Variants in KIFC1 observed in about 807,000 individuals in gnomAD.
The protein encoded by KIFC1 is kinesin-like protein KIFC1.
In KIFC1, 37 loss-of-function variants were observed where a neutral mutation model predicts 66.6. The observed-to-expected ratio is 0.56, with a 90% confidence interval of 0.43 to 0.73. The LOEUF is 0.73. Ranked by LOEUF, KIFC1 falls within the 30% of genes least tolerant of loss-of-function variation. The pLI is 0.00. For synonymous variants in KIFC1, 325 were observed against 343.5 expected (o/e 0.95, Z 0.60); for missense variants, 721 against 859.8 (o/e 0.84, Z 2.02).
Position 33,404,241 on chromosome 6 carries a change from C to A in KIFC1, c.756+112C>A. ...GGGCTGAGAACTCCTGAGCACCTAT[C>A]TTTAGCAGTATAGGTGCTGCTGAAG... is the stretch of plus-strand genomic sequence containing the variant. On this transcript the variant is annotated intron_variant, in intron 6 of 10. Coordinates refer to ENST00000428849, the MANE Select transcript of KIFC1 (RefSeq NM_002263.4). This position sits in a 1 kb window ranked among gnomAD's most constrained non-coding sequence, Gnocchi z 4.0. 1 of 1,021,254 alleles carries A rather than the reference C, an allele frequency of 9.8e-7. No individual in the cohort carries two copies. Among genetic ancestry groups the A allele is most frequent in the Non-Finnish European group, 1.4e-6 (1 of 703,210 alleles). The allele number at this position is 1,021,254 out of a possible 1,614,324, so 63.3% of individuals were successfully genotyped here.
chr6:33,394,129 C>G (rs1194655013), intron 1 of KIFC1, among the ~76,000 whole-genome samples: 1 of 152,060 alleles, frequency 6.6e-6, no homozygotes, highest in Non-Finnish European at 1.5e-5. Context: ...AGGCATCTGA[C>G]AGTGTACAGG....
chr6:33,407,815 G>A (rs1775729335), intron 10 of KIFC1, among the ~76,000 whole-genome samples: 1 of 152,200 alleles, frequency 6.6e-6, no homozygotes, highest in South Asian at 2.1e-4. Context: ...AAGTCAGAAA[G>A]TTTCCTTACT....
Position 33,403,874 on chromosome 6 carries a change from T to A in KIFC1, c.501T>A (p.Leu167=). The A allele has an allele frequency of 6.2e-7, 1 of 1,614,192 alleles. No homozygotes were observed. The highest frequency in any genetic ancestry group is 1.1e-5 in the South Asian group (1 of 91,088). Residue 167 remains leucine (L), a synonymous_variant, in exon 6 of 11, where the codon CTT becomes CTA. Coordinates refer to ENST00000428849, the MANE Select transcript of KIFC1 (RefSeq NM_002263.4). This position sits in a 1 kb window ranked among gnomAD's most constrained non-coding sequence, Gnocchi z 4.6. ...CGTTGGACCAAGAGAACCAGCAGCT[T>A]CAGGACCAGCTCAGAGATGCCCAGC... ...TQTLDQENQQ[L]QDQLRDAQQQ...
At position 33,393,748 on chromosome 6, in the gene KIFC1, A is replaced by ATTT. The variant is rs35719649; in HGVS notation, c.12+1766_12+1768dup. On this transcript the variant is annotated intron_variant, in intron 1 of 10. Coordinates refer to ENST00000428849, the MANE Select transcript of KIFC1 (RefSeq NM_002263.4). ...GGCATGAGCCACCGTGCCCTGCAAC[A>ATTT]TTTTTTTTTTTTTTTTTGAGAAGTA... is the stretch of plus-strand genomic sequence containing the variant. Among the ~76,000 whole-genome samples, 442 of 115,754 alleles carry ATTT rather than the reference A, an allele frequency of 3.8e-3. 11 individuals are homozygous for ATTT. The highest frequency in any genetic ancestry group is 0.013 in the Admixed American group (141 of 11,028). 75.9% of individuals were successfully genotyped at this position (115,754 alleles called of 152,430 possible).
chr6:33,405,306 T>G lies in KIFC1; in HGVS notation c.1211T>G (p.Val404Gly), dbSNP rs772263441. ...LVQSALDGYP[V>G]CIFAYGQTGS... ...CAGTCAGCCCTGGATGGCTATCCAG[T>G]ATGCATCTTTGCCTATGGCCAGACA... The change falls in exon 7 of 11, where the codon GTA becomes GGA. Residue 404 changes from valine (V) to glycine (G), a missense_variant. Physicochemically the swap from Val to Gly is moderately radical, Grantham distance 109. Transcript: ENST00000428849. The surrounding 1 kb of genome is among the most constrained non-coding windows in gnomAD (Gnocchi z 5.4). 1 of 1,614,122 alleles carries G rather than the reference T, an allele frequency of 6.2e-7. No homozygotes were observed. The highest frequency in any genetic ancestry group is 8.5e-7 in the Non-Finnish European group (1 of 1,180,018).
In KIFC1 at chr6:33,400,625, T is replaced by C; in HGVS notation, c.250+2238T>C. ...CGAAGAAAGTTGCACCTTGGCCTCC[T>C]CCGAGCCGAAAGCCGAGAGCTTCTC... is the stretch of plus-strand genomic sequence containing the variant. On this transcript the variant is annotated intron_variant, in intron 3 of 10. Transcript: ENST00000428849. This position sits in a 1 kb window ranked among gnomAD's most constrained non-coding sequence, Gnocchi z 4.3. 1.3e-6 allele frequency: 1 copy of C among 780,464 alleles called. No individual in the cohort carries two copies. Among genetic ancestry groups the C allele is most frequent in the Non-Finnish European group, 2.1e-6 (1 of 475,642 alleles). 48.3% of individuals were successfully genotyped at this position (780,464 alleles called of 1,614,324 possible).
At chr6:33,409,483 AGAG>A (rs1265771713) in intron 10 of KIFC1, among the ~76,000 whole-genome samples, 160 bp from the exon 11 acceptor site, 2 of 152,118 alleles carry the variant, frequency 1.3e-5, no homozygotes, top group African/African-American at 2.4e-5. Context: ...CCTAGTGTGC[AGAG>A]GAGAACAAAC....
At chr6:33,392,099 C>T (rs1774816251) in intron 1 of KIFC1, 102 bp downstream of exon 1, 12 of 1,337,116 alleles carry the variant, frequency 9.0e-6, no homozygotes, top group Non-Finnish European at 1.1e-5. Context: ...TTTGTCATGT[C>T]TACCGGGAGA....
At chr6:33,402,649 G>C (rs1436100112) in intron 3 of KIFC1, among the ~76,000 whole-genome samples, 3 of 151,834 alleles carry the variant, frequency 2.0e-5, no homozygotes, top group African/African-American at 7.3e-5. Flanking sequence ...AGAATTGCTT[G>C]AACCCTGGAG....
rs566988198 is a variant in KIFC1, at chr6:33,397,318, G to C, written c.13-711G>C. On this transcript the variant is annotated intron_variant, in intron 1 of 10. Transcript: ENST00000428849. ...GCCCTTTTTTTTTTTTTTTTTTTGAGACGGAGTCTTACTCTATTGCCCAGG... is the reference window on the plus strand; with the variant it reads ...GCCCTTTTTTTTTTTTTTTTTTTGACACGGAGTCTTACTCTATTGCCCAGG... Among the ~76,000 whole-genome samples the C allele has an allele frequency of 7.9e-4, 76 of 96,588 alleles. No individual in the cohort carries two copies. The South Asian group carries it at 0.019, about 24-fold the overall frequency. The allele number at this position is 96,588 out of a possible 152,430, so 63.4% of individuals were successfully genotyped here. A position where few individuals can be genotyped will look rare whatever the true frequency, so the allele number is the denominator to read the frequency against.
In KIFC1 at chr6:33,407,135, G is replaced by A. The variant is rs543159984; in HGVS notation, c.1977+260G>A. On this transcript the variant is annotated intron_variant, in intron 10 of 10. Coordinates refer to ENST00000428849, the MANE Select transcript of KIFC1 (RefSeq NM_002263.4). ...ACTAAAAGGTCTAAACTGGTTGGGC[G>A]TAGTAGCTCATGCCTATAATCCGAA... 122 of 1,255,772 alleles carry A rather than the reference G, an allele frequency of 9.7e-5. No homozygotes were observed. In the South Asian group the frequency reaches 1.1e-3, roughly 11 times the overall value. The allele number at this position is 1,255,772 out of a possible 1,614,324, so 77.8% of individuals were successfully genotyped here. A position where few individuals can be genotyped will look rare whatever the true frequency, so the allele number is the denominator to read the frequency against.
At position 33,400,641 on chromosome 6, in the gene KIFC1, A is replaced by AGAGCTTCTC; in HGVS notation, c.250+2255_250+2263dup. 7.2e-6 allele frequency: 5 copies of AGAGCTTCTC among 694,838 alleles called. No individual in the cohort carries two copies. Among genetic ancestry groups the AGAGCTTCTC allele is most frequent in the South Asian group, 1.8e-5 (1 of 55,980 alleles). The allele number at this position is 694,838 out of a possible 1,614,324, so 43.0% of individuals were successfully genotyped here. The stretch of plus-strand genomic sequence containing the variant: ...TTGGCCTCCTCCGAGCCGAAAGCCG[A>AGAGCTTCTC]GAGCTTCTCTCTCTTTTTTTTTTGA... On this transcript the variant is annotated intron_variant, in intron 3 of 10. Transcript: ENST00000428849. This position sits in a 1 kb window ranked among gnomAD's most constrained non-coding sequence, Gnocchi z 4.3.
intron 1 of KIFC1, among the ~76,000 whole-genome samples, chr6:33,395,972 T>C (rs900184585): frequency 8.5e-5 from 13 of 152,224 alleles, no homozygotes; most frequent in African/African-American, 3.1e-4. Context: ...TTCAATTTCA[T>C]TCCTTCAAAA....
rs777679851 is a variant in KIFC1 at position 33,398,060 on chromosome 6, T to A, written c.44T>A (p.Ile15Lys). The change falls in exon 2 of 11, where the codon ATA becomes AAA. Residue 15 changes from isoleucine (I) to lysine (K), a missense_variant. Ile to Lys is a moderately radical substitution (Grantham distance 102, BLOSUM62 -3). Transcript: ENST00000428849. ...RSPLLEVKGN[I>K]ELKRPLIKAP... ...CCCCTATTGGAAGTAAAGGGGAACA[T>A]AGAACTGAAGAGACCTCTGATTAAG... is the stretch of plus-strand genomic sequence containing the variant. 8.1e-6 allele frequency: 13 copies of A among 1,613,834 alleles called. No homozygotes were observed. Among genetic ancestry groups the A allele is most frequent in the Non-Finnish European group, 1.0e-5 (12 of 1,179,962 alleles).
chr6:33,399,411 A>G (rs1363146194), intron 3 of KIFC1, among the ~76,000 whole-genome samples: 4 of 152,188 alleles, frequency 2.6e-5, no homozygotes, highest in African/African-American at 9.7e-5. Flanking sequence ...CATGGAAAAT[A>G]AAAAATAAAA....
chr6:33,403,684 G>A lies in KIFC1; in HGVS notation c.356-45G>A, dbSNP rs1775490345. The A allele has an allele frequency of 6.2e-7, 1 of 1,600,154 alleles. No homozygotes were observed. Among genetic ancestry groups the A allele is most frequent in the African/African-American group, 1.3e-5 (1 of 74,710 alleles). ...AAGGCTAGAAGGGAGGAGGGATAGA[G>A]AGCCTAGACTTCACTGACCTTTGTC... On this transcript the variant is annotated intron_variant, in intron 5 of 10. Transcript: ENST00000428849. The surrounding 1 kb of genome is among the most constrained non-coding windows in gnomAD (Gnocchi z 4.6).
chr6:33,406,099 C>A lies in KIFC1; in HGVS notation c.1537-97C>A. ...TTTTGTTTCTTGACAGGCTAGAAAG[C>A]TTCAAGAGGGTGGGGGTGGGCTCTT... is the stretch of plus-strand genomic sequence containing the variant. On this transcript the variant is annotated intron_variant, in intron 7 of 10. Coordinates refer to ENST00000428849, the MANE Select transcript of KIFC1 (RefSeq NM_002263.4). The surrounding 1 kb of genome is among the most constrained non-coding windows in gnomAD (Gnocchi z 4.5). 1 of 1,153,096 alleles carries A rather than the reference C, an allele frequency of 8.7e-7. No individual in the cohort carries two copies. The highest frequency in any genetic ancestry group is 1.2e-6 in the Non-Finnish European group (1 of 808,632). 71.4% of individuals were successfully genotyped at this position (1,153,096 alleles called of 1,614,324 possible).
rs772206166 is a variant in KIFC1, at chr6:33,406,221, G to A, written c.1562G>A (p.Arg521His). ...KEVDALLHLA[R>H]QNRAVARTAQ... ...GTGGACGCCCTGCTTCATCTGGCCC[G>A]CCAGAATCGGGCTGTGGCCCGCACA... The change falls in exon 8 of 11, where the codon CGC (arginine) becomes CAC (histidine). Residue 521 changes from arginine (R) to histidine (H), a missense_variant. Physicochemically the swap from Arg to His is conservative, Grantham distance 29. Transcript: ENST00000428849. The surrounding 1 kb of genome is among the most constrained non-coding windows in gnomAD (Gnocchi z 4.5). 32 of 1,607,880 alleles carry A rather than the reference G, an allele frequency of 2.0e-5. No homozygotes were observed. Among genetic ancestry groups the A allele is most frequent in the Non-Finnish European group, 2.7e-5 (32 of 1,175,794 alleles).
intron 10 of KIFC1, among the ~76,000 whole-genome samples, chr6:33,409,141 G>A (rs2151096563): frequency 6.6e-6 from 1 of 152,264 alleles, no homozygotes; most frequent in African/African-American, 2.4e-5. Flanking sequence ...ACTCCAGCCT[G>A]GGCGACAGAG....
Sources: allele counts gnomAD v4.1 joint callset (sites outside exome capture counted in the v4.1 genomes callset), GRCh38; gene constraint gnomAD v4.1.1; non-coding constraint Gnocchi (gnomAD v3.1); transcripts MANE v1.5; gene names NCBI Gene and HGNC (gene_info 2026-07-23, HGNC 2026-07-21).